Variants in KMT2C observed in about 807,000 individuals in gnomAD.
KMT2C encodes the protein histone-lysine N-methyltransferase 2C.
KMT2C carries 88 observed loss-of-function variants against 507.9 expected under a neutral mutation model. That is an observed-to-expected ratio of 0.17 (90% CI 0.15 to 0.21). The LOEUF (loss-of-function observed/expected upper bound fraction) is 0.21. KMT2C is among the 10% of genes least tolerant of loss of function. The probability of loss-of-function intolerance (pLI) is 1.00; values close to 1 mark genes in which losing one functional copy is unlikely to be tolerated. For missense variants in KMT2C, 4,954 were observed against 5,957.8 expected (o/e 0.83, Z 5.55); for synonymous variants, 2,049 against 2,080.8 (o/e 0.98, Z 0.42).
intron 2 of KMT2C, among the ~76,000 whole-genome samples, chr7:152,332,549 A>G (rs1416118821): frequency 6.6e-6 from 1 of 152,106 alleles, no homozygotes; most frequent in Non-Finnish European, 1.5e-5. Flanking sequence ...GCCTCCTATT[A>G]TAACAATTAT....
intron 9 of KMT2C, among the ~76,000 whole-genome samples, chr7:152,260,714 T>C (rs1471283933): frequency 6.6e-6 from 1 of 152,276 alleles, no homozygotes; most frequent in African/African-American, 2.4e-5. Context: ...AACAGTCTCT[T>C]TCAGACATGT....
At position 152,385,611 on chromosome 7, in the gene KMT2C, C is replaced by CAAAAAAA. The variant is rs1160527130; in HGVS notation, c.162-26943_162-26937dup. ...TGGGCGACAGAGCGAGACTCCGTCT[C>CAAAAAAA]AAAAAAAAAAAAAAAAAAAAAAAAA... On this transcript the variant is annotated intron_variant, in intron 1 of 58. Coordinates refer to ENST00000262189, the MANE Select transcript of KMT2C (RefSeq NM_170606.3). Among the ~76,000 whole-genome samples the CAAAAAAA allele has an allele frequency of 3.3e-3, 64 of 19,452 alleles. 9 individuals carry two copies. Among genetic ancestry groups the CAAAAAAA allele is most frequent in the Non-Finnish European group, 4.0e-3 (55 of 13,918 alleles). 12.8% of individuals were successfully genotyped at this position (19,452 alleles called of 152,430 possible). A position where few individuals can be genotyped will look rare whatever the true frequency, so the allele number is the denominator to read the frequency against.
chr7:152,277,016 T>G (rs2096094232), intron 6 of KMT2C, among the ~76,000 whole-genome samples: 1 of 152,166 alleles, frequency 6.6e-6, no homozygotes, highest in Non-Finnish European at 1.5e-5. Flanking sequence ...TTTTCAAGAC[T>G]TTTATTTAAT....
At position 152,163,411 on chromosome 7, in the gene KMT2C, T is replaced by C. The variant is rs370089659; in HGVS notation, c.10166A>G (p.Asn3389Ser). The change falls in exon 43 of 59, where the codon AAT becomes AGT. Residue 3389 changes from asparagine to serine, a missense_variant. By Grantham distance (46) the Asn-to-Ser change is conservative. Around this residue, in one of 29 missense-constraint regions of KMT2C, gnomAD observed 801 missense variants for 751.2 expected, o/e 1.07. Transcript: ENST00000262189. ...PPPRVEFDDN[N>S]PFSESFQERE... ...TTCTTGAAAACTTTCACTAAAGGGA[T>C]TGTTGTCATCAAATTCTACCCGAGG... The C allele has an allele frequency of 1.2e-6, 2 of 1,614,198 alleles. No individual in the cohort carries two copies. The highest frequency in any genetic ancestry group is 8.5e-7 in the Non-Finnish European group (1 of 1,180,042).
chr7:152,163,956 T>C, intron 42 of KMT2C, 130 bp from the exon 43 acceptor site: 1 of 778,194 alleles, frequency 1.3e-6, no homozygotes, highest in Non-Finnish European at 2.1e-6. Flanking sequence ...ATATTTTGCT[T>C]GGGTAACTGC....
chr7:152,299,676 T>C (rs2096549202), intron 6 of KMT2C, among the ~76,000 whole-genome samples: 1 of 151,824 alleles, frequency 6.6e-6, no homozygotes, highest in South Asian at 2.1e-4. Context: ...AGAAAAATGA[T>C]GCAAGGAACA....
Position 152,178,015 on chromosome 7 carries a change from T to TAAAAAAAAAAAAAAAAAA in KMT2C, c.7443-23_7443-6dup, listed in dbSNP as rs746018833. 1.3e-6 allele frequency: 1 copy of TAAAAAAAAAAAAAAAAAA among 777,676 alleles called. No homozygotes were observed. The highest frequency in any genetic ancestry group is 3.2e-5 in the African/African-American group (1 of 30,860). 48.2% of individuals were successfully genotyped at this position (777,676 alleles called of 1,614,324 possible). A position where few individuals can be genotyped will look rare whatever the true frequency, so the allele number is the denominator to read the frequency against. Reference sequence around the variant, plus strand: ...CTACCTCCTGGAAATCCAAATCTTTTAAAAAAAAAAAAAAAAAAAAAAAAA... The same window carrying TAAAAAAAAAAAAAAAAAA: ...CTACCTCCTGGAAATCCAAATCTTTTAAAAAAAAAAAAAAAAAAAAAAAAAAAAAAAAAAAAAAAAAAA... On this transcript the variant is annotated splice_polypyrimidine_tract_variant and splice_region_variant and intron_variant, in intron 37 of 58. Transcript: ENST00000262189.
chr7:152,140,226 T>C (rs1468733991), intron 55 of KMT2C, among the ~76,000 whole-genome samples: 1 of 152,238 alleles, frequency 6.6e-6, no homozygotes, highest in Admixed American at 6.5e-5. Flanking sequence ...TCACTGATAC[T>C]GTAAACAGGG....
intron 2 of KMT2C, among the ~76,000 whole-genome samples, chr7:152,356,357 G>A (rs1410688849): frequency 6.6e-6 from 1 of 151,908 alleles, no homozygotes; most frequent in Non-Finnish European, 1.5e-5. Flanking sequence ...GGCGGATCAC[G>A]TGAGATCAGG....
At chr7:152,295,900 A>G (rs368718764) in intron 6 of KMT2C, among the ~76,000 whole-genome samples, 2 of 151,536 alleles carry the variant, frequency 1.3e-5, no homozygotes. Context: ...CCCCGTCTCT[A>G]CTAAAAATAC....
At chr7:152,411,047 A>G (rs370148751) in intron 1 of KMT2C, among the ~76,000 whole-genome samples, 3 of 152,176 alleles carry the variant, frequency 2.0e-5, no homozygotes, top group Non-Finnish European at 2.9e-5. Context: ...ATATGTGTGT[A>G]TATGTGTGCA....
At chr7:152,433,594 G>C (rs775476437) in intron 1 of KMT2C, among the ~76,000 whole-genome samples, 84 of 152,216 alleles carry the variant, frequency 5.5e-4, no homozygotes, top group Non-Finnish European at 7.3e-4. Flanking sequence ...AGCAGTACTA[G>C]TTTTCAAATC....
At chr7:152,206,635 T>C (rs986149482) in intron 24 of KMT2C, among the ~76,000 whole-genome samples, 2 of 152,184 alleles carry the variant, frequency 1.3e-5, no homozygotes, top group African/African-American at 2.4e-5. Context: ...AAGGAAAGCC[T>C]ACTCAACACG....
intron 14 of KMT2C, among the ~76,000 whole-genome samples, chr7:152,240,491 G>GC (rs2095362849): frequency 2.0e-5 from 3 of 152,218 alleles, no homozygotes; most frequent in Admixed American, 1.3e-4. Context: ...TACAATGAGG[G>GC]CATCTTGGAA....
In KMT2C at chr7:152,180,702, T is replaced by C. The variant is rs764234536; in HGVS notation, c.7149+9A>G. 2 of 1,578,132 alleles carry C rather than the reference T, an allele frequency of 1.3e-6. No homozygotes were observed. Among genetic ancestry groups the C allele is most frequent in the Non-Finnish European group, 1.7e-6 (2 of 1,155,490 alleles). ...TACATTTAAAACTGAGAACATACAA[T>C]GTGTTTACCTGTCTCAATTTCTCTG... is the stretch of plus-strand genomic sequence containing the variant. On this transcript the variant is annotated intron_variant, in intron 36 of 58. Transcript: ENST00000262189.
At position 152,229,657 on chromosome 7, in the gene KMT2C, G is replaced by A. The variant is rs143551045; in HGVS notation, c.2976+266C>T. On this transcript the variant is annotated intron_variant, in intron 18 of 58. Coordinates refer to ENST00000262189, the MANE Select transcript of KMT2C (RefSeq NM_170606.3). Reference sequence around the variant, plus strand: ...AATTAGCTAAACCTAAAATCTTTGTGAATACTATAAATTGTCTTTTAAATT... The same window carrying A: ...AATTAGCTAAACCTAAAATCTTTGTAAATACTATAAATTGTCTTTTAAATT... 2.8e-3 allele frequency among the ~76,000 whole-genome samples: 427 copies of A among 152,138 alleles called. 2 individuals are homozygous for A. The highest frequency in any genetic ancestry group is 0.015 in the Admixed American group (237 of 15,292).
intron 1 of KMT2C, among the ~76,000 whole-genome samples, chr7:152,397,698 A>G (rs770700805): frequency 3.9e-5 from 6 of 152,120 alleles, no homozygotes; most frequent in Non-Finnish European, 7.4e-5. Flanking sequence ...AGTGGGAAAG[A>G]ATTGAATCAT....
chr7:152,215,930 A>C (rs1345305597), intron 23 of KMT2C, among the ~76,000 whole-genome samples: 1 of 152,158 alleles, frequency 6.6e-6, no homozygotes, highest in African/African-American at 2.4e-5. Flanking sequence ...AAATTTTAAA[A>C]GTTGAGGGAA....
chr7:152,353,132 C>G (rs1193609124), intron 2 of KMT2C, among the ~76,000 whole-genome samples: 1 of 152,120 alleles, frequency 6.6e-6, no homozygotes, highest in Non-Finnish European at 1.5e-5. Context: ...AACAAAAGAT[C>G]AAATTTTCTC....
Sources: allele counts gnomAD v4.1 joint callset (sites outside exome capture counted in the v4.1 genomes callset), GRCh38; gene constraint gnomAD v4.1.1; regional missense constraint gnomAD v4.1.1; transcripts MANE v1.5; gene names NCBI Gene and HGNC (gene_info 2026-07-23, HGNC 2026-07-21).